The following SEC22A variants were observed in gnomAD, a reference collection of about 807,000 sequenced individuals.
The protein encoded by SEC22A is vesicle-trafficking protein SEC22a.
A neutral mutation model predicts 35.3 loss-of-function variants in SEC22A; 22 were observed. The observed-to-expected ratio is 0.62, with a 90% confidence interval of 0.45 to 0.89. The LOEUF (loss-of-function observed/expected upper bound fraction) is 0.89, where lower values mean the gene tolerates loss of function less well. SEC22A is among the 40% of genes least tolerant of loss of function. The pLI is 0.00. For missense variants in SEC22A, 354 were observed against 362.5 expected (o/e 0.98, Z 0.19); for synonymous variants, 119 against 129.5 (o/e 0.92, Z 0.55).
intron 6 of SEC22A, among the ~76,000 whole-genome samples, chr3:123,268,897 T>C (rs1938083805): frequency 6.6e-6 from 1 of 152,200 alleles, no homozygotes; most frequent in Non-Finnish European, 1.5e-5. Context: ...TTTCTTAACA[T>C]TGACTTTTTT....
chr3:123,230,813 T>C (rs1212086876), intron 4 of SEC22A, among the ~76,000 whole-genome samples: 1 of 151,354 alleles, frequency 6.6e-6, no homozygotes, highest in Non-Finnish European at 1.5e-5. Flanking sequence ...AATAATGTTA[T>C]ATATGAATGG....
Position 123,246,008 on chromosome 3 carries a change from C to G in SEC22A, c.651C>G (p.Leu217=), listed in dbSNP as rs761115985. ...LIRGFHAIES[L]LQSDGDDFNY... is the part of the protein sequence containing the mutation. ...GAGGCTTTCATGCTATAGAAAGTCT[C>G]CTGCAGGTACTGTGCTATTTTTGCA... Residue 217 remains leucine (L), a synonymous_variant, in exon 5 of 7, where the codon CTC becomes CTG. Coordinates refer to ENST00000492595, the MANE Select transcript of SEC22A (RefSeq NM_012430.5). 1.3e-6 allele frequency: 2 copies of G among 1,580,046 alleles called. No homozygotes were observed. The highest frequency in any genetic ancestry group is 2.2e-5 in the South Asian group (2 of 89,792).
intron 3 of SEC22A, among the ~76,000 whole-genome samples, chr3:123,224,494 A>G (rs74464284): frequency 0.045 from 6,833 of 152,302 alleles, 246 homozygotes; most frequent in African/African-American, 0.097. Context: ...AGGAATCTCT[A>G]TAAAAATCAA....
At chr3:123,217,939 A>G (rs1055330561) in intron 2 of SEC22A, among the ~76,000 whole-genome samples, 1 of 152,220 alleles carries the variant, frequency 6.6e-6, no homozygotes, top group African/African-American at 2.4e-5. Context: ...GATATTTGCT[A>G]TTACTAATTA....
Position 123,271,826 on chromosome 3 carries a change from G to A in SEC22A, c.*104G>A. 1.1e-6 allele frequency: 1 copy of A among 937,450 alleles called. No homozygotes were observed. The highest frequency in any genetic ancestry group is 1.6e-6 in the Non-Finnish European group (1 of 625,006). The allele number at this position is 937,450 out of a possible 1,614,324, so 58.1% of individuals were successfully genotyped here. A position where few individuals can be genotyped will look rare whatever the true frequency, so the allele number is the denominator to read the frequency against. On this transcript the variant is annotated 3_prime_UTR_variant, in exon 7 of 7. Transcript: ENST00000492595. ...CTGTTCCCCACAGAGGAGAAGCTCT[G>A]CTTTCTTTCTCTCCAACTTTCCTTT...
chr3:123,203,220 C>T (rs1010108863), intron 1 of SEC22A, among the ~76,000 whole-genome samples: 2 of 151,378 alleles, frequency 1.3e-5, no homozygotes. Context: ...AGTTTAAATC[C>T]CTACTTTGTC....
rs1368165844 is a variant in SEC22A, at chr3:123,265,388, G to GT, written c.723+5808dup. Among the ~76,000 whole-genome samples, 465 of 148,928 alleles carry GT rather than the reference G, an allele frequency of 3.1e-3. 1 individual carries two copies. Among genetic ancestry groups the GT allele is most frequent in the African/African-American group, 9.5e-3 (386 of 40,452 alleles). ...GTGCAGGTATCCTTTCCCAGTCTATGTTTTTTTTTAAAAAAAAATGGTTTC... is the reference window on the plus strand; with the variant it reads ...GTGCAGGTATCCTTTCCCAGTCTATGTTTTTTTTTTAAAAAAAAATGGTTTC... On this transcript the variant is annotated intron_variant, in intron 6 of 6. Coordinates refer to ENST00000492595, the MANE Select transcript of SEC22A (RefSeq NM_012430.5).
chr3:123,207,417 A>G (rs951573115), intron 1 of SEC22A, among the ~76,000 whole-genome samples: 6 of 152,252 alleles, frequency 3.9e-5, no homozygotes, highest in African/African-American at 1.4e-4. Context: ...TTTAGTCTCT[A>G]AGATACAATA....
intron 4 of SEC22A, among the ~76,000 whole-genome samples, chr3:123,242,045 A>G (rs1214475749): frequency 2.0e-5 from 3 of 151,510 alleles, no homozygotes; most frequent in East Asian, 3.9e-4. Flanking sequence ...TGGCCTATCT[A>G]TAGGCACTGT....
rs547402457 is a variant in SEC22A, at chr3:123,241,961, A to T, written c.542-3938A>T. On this transcript the variant is annotated intron_variant, in intron 4 of 6. Transcript: ENST00000492595. ...AACCACTTTTCTGGAAAAAAAAAAA[A>T]AAATTTTAAGGAGAATCCTAGCATC... is the stretch of plus-strand genomic sequence containing the variant. 2.0e-5 allele frequency among the ~76,000 whole-genome samples: 3 copies of T among 152,282 alleles called. No homozygotes were observed. The East Asian group carries it at 5.8e-4, about 29-fold the overall frequency.
chr3:123,223,845 A>G lies in SEC22A; in HGVS notation c.346+123A>G, dbSNP rs577904963. 4.6e-4 allele frequency: 310 copies of G among 678,974 alleles called. No homozygotes were observed. The African/African-American group carries it at 5.0e-3, about 11-fold the overall frequency. The allele number at this position is 678,974 out of a possible 1,614,324, so 42.1% of individuals were successfully genotyped here. ...TGCTTTTGATATAATAATTTGGTAAATGATCTATAAATTATGGTAACTTTT... is the reference window on the plus strand; with the variant it reads ...TGCTTTTGATATAATAATTTGGTAAGTGATCTATAAATTATGGTAACTTTT... On this transcript the variant is annotated intron_variant, in intron 3 of 6. Coordinates refer to ENST00000492595, the MANE Select transcript of SEC22A (RefSeq NM_012430.5).
chr3:123,260,037 C>G (rs1265132724), intron 6 of SEC22A, among the ~76,000 whole-genome samples: 1 of 143,998 alleles, frequency 6.9e-6, no homozygotes, highest in East Asian at 2.1e-4. Context: ...GAGGCTGAGA[C>G]AGGAGAATTG....
At chr3:123,227,378 C>T (rs1022885255) in intron 4 of SEC22A, among the ~76,000 whole-genome samples, 6 of 151,808 alleles carry the variant, frequency 4.0e-5, no homozygotes, top group Admixed American at 3.3e-4. Flanking sequence ...GACTAGTCTA[C>T]TTCATATAAA....
intron 4 of SEC22A, among the ~76,000 whole-genome samples, chr3:123,228,318 C>G (rs913169355): frequency 6.7e-6 from 1 of 150,070 alleles, no homozygotes; most frequent in African/African-American, 2.5e-5. Context: ...ATAATCCCAG[C>G]ATTTGGGAGG....
chr3:123,214,806 A>G (rs1051040498), intron 2 of SEC22A, among the ~76,000 whole-genome samples: 12 of 152,228 alleles, frequency 7.9e-5, no homozygotes, highest in South Asian at 2.1e-4. Flanking sequence ...TGGGAAGCCA[A>G]TCATATCCTA....
Position 123,246,025 on chromosome 3 carries a change from A to G in SEC22A, c.657+11A>G, listed in dbSNP as rs374581916. On this transcript the variant is annotated intron_variant, in intron 5 of 6. Coordinates refer to ENST00000492595, the MANE Select transcript of SEC22A (RefSeq NM_012430.5). ...GAAAGTCTCCTGCAGGTACTGTGCT[A>G]TTTTTGCAATTTCAGGTGACTGTGC... 5.5e-6 allele frequency: 8 copies of G among 1,455,828 alleles called. No individual in the cohort carries two copies. In the South Asian group the frequency reaches 8.1e-5, roughly 15 times the overall value. The allele number at this position is 1,455,828 out of a possible 1,614,324, so 90.2% of individuals were successfully genotyped here.
At chr3:123,261,038 T>C (rs574271824) in intron 6 of SEC22A, among the ~76,000 whole-genome samples, 2 of 151,848 alleles carry the variant, frequency 1.3e-5, no homozygotes, top group East Asian at 3.9e-4. Context: ...CGTTTCACCA[T>C]GTTAGCCAGG....
At chr3:123,246,153 C>G (rs907945372) in intron 5 of SEC22A, 139 bp downstream of exon 5, 1 of 554,114 alleles carries the variant, frequency 1.8e-6, no homozygotes, top group East Asian at 2.9e-5. Context: ...CTGCTTTAGC[C>G]TCCTTCTAAA....
At chr3:123,248,769 A>G (rs551925850) in intron 5 of SEC22A, among the ~76,000 whole-genome samples, 3 of 152,364 alleles carry the variant, frequency 2.0e-5, no homozygotes, top group East Asian at 1.9e-4. Flanking sequence ...TTGTATAGGG[A>G]AAAACAGGCT....
Sources: allele counts gnomAD v4.1 joint callset (sites outside exome capture counted in the v4.1 genomes callset), GRCh38; gene constraint gnomAD v4.1.1; transcripts MANE v1.5; gene names NCBI Gene and HGNC (gene_info 2026-07-23, HGNC 2026-07-21).